Variants in NAA15 observed in about 807,000 individuals in gnomAD.
NAA15 encodes N-terminal acetyltransferase.
A neutral mutation model predicts 114.0 loss-of-function variants in NAA15; 34 were observed. That is an observed-to-expected ratio of 0.30 (90% CI 0.23 to 0.40). The LOEUF is 0.40. Among genes scored for constraint, NAA15 ranks in the 10% least tolerant of loss-of-function variants. The pLI, the probability that NAA15 is intolerant of heterozygous loss-of-function variation, is 1.00. For synonymous variants in NAA15, 340 were observed against 338.0 expected, an observed-to-expected ratio of 1.01 and a Z score of -0.06; for missense variants, 658 against 1,004.5, an observed-to-expected ratio of 0.66 and a Z score of 4.66.
At chr4:139,302,304 T>G in intron 1 of NAA15, 1 of 156,524 alleles carries the variant, frequency 6.4e-6, no homozygotes. Flanking sequence ...TCCCTCCCTC[T>G]TCCTCCTCTC....
intron 1 of NAA15, 148 bp downstream of exon 1, chr4:139,301,979 T>A (rs1745781566): frequency 1.7e-5 from 14 of 827,270 alleles, no homozygotes; most frequent in South Asian, 3.8e-5. Flanking sequence ...ATTGCTTTGC[T>A]CCCTCTCTGT....
At chr4:139,351,646 A>G (rs552238430) in intron 9 of NAA15, 35 bp downstream of exon 9, 2 of 1,083,070 alleles carry the variant, frequency 1.8e-6, no homozygotes, top group Non-Finnish European at 2.9e-6. Flanking sequence ...TTTGGCTACC[A>G]TTTCTTTGCT....
chr4:139,385,487 T>C (rs545798183), intron 18 of NAA15, among the ~76,000 whole-genome samples: 18 of 151,974 alleles, frequency 1.2e-4, no homozygotes, highest in African/African-American at 3.9e-4. Flanking sequence ...TTTTTCATCA[T>C]TGGGCTCTTA....
chr4:139,382,103 A>G (rs1021477796), intron 17 of NAA15, among the ~76,000 whole-genome samples: 5 of 152,118 alleles, frequency 3.3e-5, no homozygotes, highest in African/African-American at 1.2e-4. Context: ...ACATCTGATA[A>G]TCTGTGACAT....
intron 14 of NAA15, among the ~76,000 whole-genome samples, chr4:139,362,401 G>A (rs1748160655): frequency 1.3e-5 from 2 of 152,136 alleles, no homozygotes; most frequent in South Asian, 4.1e-4. Context: ...AGCCTTCTGA[G>A]TAGCTGGGAT....
At chr4:139,370,020 G>A (rs1430636158) in intron 14 of NAA15, among the ~76,000 whole-genome samples, 191 bp from the exon 15 acceptor site, 1 of 152,082 alleles carries the variant, frequency 6.6e-6, no homozygotes, top group Admixed American at 6.5e-5. Context: ...GGCCAGGCTG[G>A]TCTCGAACTC....
intron 15 of NAA15, among the ~76,000 whole-genome samples, chr4:139,370,878 A>G (rs1442281400): frequency 6.6e-6 from 1 of 152,226 alleles, no homozygotes; most frequent in Non-Finnish European, 1.5e-5. Flanking sequence ...ACTGAGGACT[A>G]TACGTGTATC....
chr4:139,340,886 G>C (rs1212341122), intron 3 of NAA15, 26 bp from the exon 4 acceptor site: 1 of 1,511,842 alleles, frequency 6.6e-7, no homozygotes. Flanking sequence ...TGACTTGTAG[G>C]TTGTACCCTT....
intron 1 of NAA15, among the ~76,000 whole-genome samples, chr4:139,309,911 G>A (rs149920960): frequency 3.3e-5 from 5 of 152,094 alleles, no homozygotes; most frequent in African/African-American, 1.2e-4. Flanking sequence ...GGTCATTATT[G>A]GGGCTCAAAC....
chr4:139,358,770 A>G (rs1417512080), intron 11 of NAA15, among the ~76,000 whole-genome samples: 1 of 152,140 alleles, frequency 6.6e-6, no homozygotes, highest in Admixed American at 6.5e-5. Flanking sequence ...TGGTTCCTTT[A>G]GCGTACAGAT....
Position 139,353,220 on chromosome 4 carries a change from C to T in NAA15, c.1015-806C>T, listed in dbSNP as rs1220459943. On this transcript the variant is annotated intron_variant, in intron 9 of 19. Coordinates refer to ENST00000296543, the MANE Select transcript of NAA15 (RefSeq NM_057175.5). Reference sequence around the variant, plus strand: ...TCTGCCATTAGAATAATAAATGCAACTGATTCAAAGATGTTTGAGAAAACA... The same window carrying T: ...TCTGCCATTAGAATAATAAATGCAATTGATTCAAAGATGTTTGAGAAAACA... Among the ~76,000 whole-genome samples, 4 of 152,248 alleles carry T rather than the reference C, an allele frequency of 2.6e-5. No individual in the cohort carries two copies. The East Asian group carries it at 7.7e-4, about 29-fold the overall frequency.
chr4:139,356,054 G>C (rs1033845089), intron 10 of NAA15, among the ~76,000 whole-genome samples: 7 of 152,064 alleles, frequency 4.6e-5, no homozygotes, highest in Non-Finnish European at 8.8e-5. Context: ...TGGTTCAATA[G>C]CATCCTTCAA....
intron 1 of NAA15, among the ~76,000 whole-genome samples, chr4:139,311,432 G>C (rs147577840): frequency 2.6e-5 from 4 of 151,942 alleles, no homozygotes; most frequent in African/African-American, 4.8e-5. Flanking sequence ...GTTAAGCTGG[G>C]CTTTGGCATT....
At chr4:139,350,442 T>A (rs1379722770) in intron 7 of NAA15, among the ~76,000 whole-genome samples, 1 of 152,184 alleles carries the variant, frequency 6.6e-6, no homozygotes, top group Admixed American at 6.5e-5. Flanking sequence ...GGGGTTAAAT[T>A]TCTGTCACTC....
intron 1 of NAA15, among the ~76,000 whole-genome samples, chr4:139,308,184 A>G (rs1746089910): frequency 6.6e-6 from 1 of 152,032 alleles, no homozygotes; most frequent in African/African-American, 2.4e-5. Context: ...GATGGTCTCG[A>G]TCTCCTGACC....
In NAA15 at chr4:139,344,359, C is replaced by T. The variant is rs751198142; in HGVS notation, c.691+20C>T. 2.5e-6 allele frequency: 4 copies of T among 1,584,778 alleles called. No individual in the cohort carries two copies. The South Asian group carries it at 3.4e-5, about 14-fold the overall frequency. On this transcript the variant is annotated intron_variant, in intron 6 of 19. Transcript: ENST00000296543. ...CCAAAGGTATTTTTAAAAGAATTGT[C>T]ATTTATTCTAATATTGAAATATGAC... is the stretch of plus-strand genomic sequence containing the variant.
chr4:139,373,410 G>A (rs1252507652), intron 15 of NAA15, among the ~76,000 whole-genome samples: 2 of 152,036 alleles, frequency 1.3e-5, no homozygotes, highest in African/African-American at 2.4e-5. Context: ...GACCACTTAC[G>A]CAGTTCATTG....
At chr4:139,385,283 A>AATATATATAT (rs35008407) in intron 18 of NAA15, among the ~76,000 whole-genome samples, 6 of 100,470 alleles carry the variant, frequency 6.0e-5, no homozygotes, top group East Asian at 5.0e-4. Flanking sequence ...ATATATATAT[A>AATATATATAT]ATATATATAT....
At chr4:139,375,644 C>T (rs1366589190) in intron 15 of NAA15, among the ~76,000 whole-genome samples, 2 of 151,950 alleles carry the variant, frequency 1.3e-5, no homozygotes, top group Non-Finnish European at 2.9e-5. Flanking sequence ...TGTTTAGTGC[C>T]CTTCTGATAA....
Sources: allele counts gnomAD v4.1 joint callset (sites outside exome capture counted in the v4.1 genomes callset), GRCh38; gene constraint gnomAD v4.1.1; transcripts MANE v1.5; gene names NCBI Gene and HGNC (gene_info 2026-07-23, HGNC 2026-07-21).